ZNF831: variants seen among roughly 807,000 people sequenced by gnomAD.
The protein encoded by ZNF831 is chromosome 20 open reading frame 174.
In ZNF831, 59 loss-of-function variants were observed where a neutral mutation model predicts 95.8. The ratio of observed to expected loss-of-function variants is 0.62; its 90% CI spans 0.50 to 0.77. The LOEUF is 0.77. Ranked by LOEUF, ZNF831 falls within the 30% of genes least tolerant of loss-of-function variation. The pLI, the probability that ZNF831 is intolerant of heterozygous loss-of-function variation, is 0.00. For synonymous variants in ZNF831, 961 were observed against 925.5 expected (o/e 1.04, Z -0.70); for missense variants, 2,205 against 2,164.0 (o/e 1.02, Z -0.38).
Position 59,193,822 on chromosome 20 carries a change from A to T in ZNF831, c.2803A>T (p.Asn935Tyr), listed in dbSNP as rs751557214. 1 of 1,612,974 alleles carries T rather than the reference A, an allele frequency of 6.2e-7. No homozygotes were observed. The highest frequency in any genetic ancestry group is 8.5e-7 in the Non-Finnish European group (1 of 1,179,478). Residue 935 changes from asparagine (N) to tyrosine (Y), a missense_variant, in exon 2 of 6, where the codon AAT becomes TAT. Asn to Tyr is a moderately radical substitution (Grantham distance 143, BLOSUM62 -2). Coordinates refer to ENST00000371030, the MANE Select transcript of ZNF831 (RefSeq NM_178457.3). Reference protein sequence around the residue: ...APRVLSALADNAFSPKYLLRL... With the variant: ...APRVLSALADYAFSPKYLLRL... ...TAGAGTGCTCTCTGCCCTGGCAGAT[A>T]ATGCCTTTTCCCCCAAGTACCTCCT...
intron 4 of ZNF831, among the ~76,000 whole-genome samples, chr20:59,243,057 T>C (rs1987416561): frequency 6.6e-6 from 1 of 152,222 alleles, no homozygotes; most frequent in Admixed American, 6.5e-5. Context: ...TCTTAATTAT[T>C]AGCAATAAAC....
intron 2 of ZNF831, among the ~76,000 whole-genome samples, chr20:59,195,446 A>G (rs190914251): frequency 3.9e-5 from 6 of 152,288 alleles, no homozygotes; most frequent in Non-Finnish European, 8.8e-5. Flanking sequence ...AGGCCCGGAG[A>G]CCAGAGTCTT....
intron 4 of ZNF831, among the ~76,000 whole-genome samples, chr20:59,242,686 T>A (rs907235008): frequency 2.0e-5 from 3 of 152,250 alleles, no homozygotes; most frequent in African/African-American, 7.2e-5. Flanking sequence ...AGACAAACTT[T>A]CAAAAAATTG....
rs199670885 is a variant in ZNF831, at chr20:59,192,384, C to T, written c.1365C>T (p.Asp455=). The change falls in exon 2 of 6, where the codon GAC becomes GAT. Residue 455 remains aspartate, a synonymous_variant. Coordinates refer to ENST00000371030, the MANE Select transcript of ZNF831 (RefSeq NM_178457.3). The surrounding 1 kb of genome is among the most constrained non-coding windows in gnomAD (Gnocchi z 5.2). ...CCTACAAGGACTCCTTCCACTTTGACATCCGCGCGCTGGAGCCAGGCCGTA... is the reference window on the plus strand; with the variant it reads ...CCTACAAGGACTCCTTCCACTTTGATATCCGCGCGCTGGAGCCAGGCCGTA... ...PYTYKDSFHF[D]IRALEPGRRR... is the part of the protein sequence containing the mutation. The T allele has an allele frequency of 8.6e-5, 138 of 1,612,152 alleles. No homozygotes were observed. In the African/African-American group the frequency reaches 1.8e-3, roughly 21 times the overall value.
At chr20:59,203,867 G>T (rs1389289707) in intron 3 of ZNF831, among the ~76,000 whole-genome samples, 1 of 152,126 alleles carries the variant, frequency 6.6e-6, no homozygotes, top group Non-Finnish European at 1.5e-5. Flanking sequence ...AAGCCTAATT[G>T]CCCTGACATT....
At position 59,193,157 on chromosome 20, in the gene ZNF831, C is replaced by T. The variant is rs751185889; in HGVS notation, c.2138C>T (p.Thr713Met). ...LVTEPTKHGE[T>M]VARRGDSDRP... ...ACTGAACCCACTAAGCATGGGGAGACGGTGGCCAGGAGAGGAGACAGTGAC... is the reference window on the plus strand; with the variant it reads ...ACTGAACCCACTAAGCATGGGGAGATGGTGGCCAGGAGAGGAGACAGTGAC... Residue 713 changes from threonine to methionine, a missense_variant, in exon 2 of 6, where the codon ACG becomes ATG. Physicochemically the swap from Thr to Met is moderately conservative, Grantham distance 81. Transcript: ENST00000371030. 18 of 1,574,676 alleles carry T rather than the reference C, an allele frequency of 1.1e-5. No individual in the cohort carries two copies. Among genetic ancestry groups the T allele is most frequent in the East Asian group, 7.1e-5 (3 of 42,332 alleles).
chr20:59,143,302 C>T (rs1979738814), intron 1 of ZNF831, among the ~76,000 whole-genome samples: 1 of 152,308 alleles, frequency 6.6e-6, no homozygotes, highest in Non-Finnish European at 1.5e-5. Flanking sequence ...GTGGAGAAGA[C>T]ACAGGAAAGT....
intron 1 of ZNF831, among the ~76,000 whole-genome samples, chr20:59,190,543 A>G (rs920885676): frequency 2.0e-5 from 3 of 152,208 alleles, no homozygotes; most frequent in African/African-American, 7.2e-5. Context: ...AGTCCCAGAG[A>G]AGAAAAGGGA....
intron 1 of ZNF831, among the ~76,000 whole-genome samples, chr20:59,141,622 T>C (rs189270348): frequency 1.3e-5 from 2 of 152,360 alleles, no homozygotes; most frequent in East Asian, 3.9e-4. Context: ...ACTGTTGCCA[T>C]AGAGTGAGTC....
At chr20:59,140,883 G>A (rs541964483) in intron 1 of ZNF831, among the ~76,000 whole-genome samples, 1 of 152,110 alleles carries the variant, frequency 6.6e-6, no homozygotes, top group Admixed American at 6.6e-5. Context: ...AGGGTCTTTT[G>A]CAGAGCAATA....
intron 3 of ZNF831, among the ~76,000 whole-genome samples, chr20:59,198,702 G>T (rs1209217756): frequency 6.6e-6 from 1 of 152,206 alleles, no homozygotes; most frequent in African/African-American, 2.4e-5. Context: ...CTCCTGGCTG[G>T]GTCAAATGAG....
intron 4 of ZNF831, among the ~76,000 whole-genome samples, chr20:59,216,854 C>G (rs1985713851): frequency 6.6e-6 from 1 of 151,788 alleles, no homozygotes; most frequent in Non-Finnish European, 1.5e-5. Context: ...AAAGATCACT[C>G]TAGACACAGA....
chr20:59,253,859 T>TCCCC (rs5842258), intron 5 of ZNF831, 39 bp from the exon 6 acceptor site: 19 of 918,988 alleles, frequency 2.1e-5, no homozygotes, highest in South Asian at 4.8e-5. Flanking sequence ...CCAATTAACC[T>TCCCC]CCCCCCCCAC....
rs1301658712 is a variant in ZNF831, at chr20:59,211,039, C to CA, written c.4027+3992dup. ...TGGGCGACAGAGCGAGACTCCGTCT[C>CA]AAAAAAAAAGAAAAAAAAAAAAAAA... On this transcript the variant is annotated intron_variant, in intron 4 of 5. Coordinates refer to ENST00000371030, the MANE Select transcript of ZNF831 (RefSeq NM_178457.3). Among the ~76,000 whole-genome samples the CA allele has an allele frequency of 1.2e-3, 27 of 23,062 alleles. 1 individual carries two copies. The highest frequency in any genetic ancestry group is 5.6e-3 in the South Asian group (4 of 716). The allele number at this position is 23,062 out of a possible 152,430, so 15.1% of individuals were successfully genotyped here.
chr20:59,162,409 TC>T (rs1980928220), upstream of ZNF831, among the ~76,000 whole-genome samples: 1 of 152,216 alleles, frequency 6.6e-6, no homozygotes, highest in South Asian at 2.1e-4. Flanking sequence ...AGTATTTAAT[TC>T]ATTTTGGGTT....
At chr20:59,166,466 C>T (rs773563757) in intron 1 of ZNF831, among the ~76,000 whole-genome samples, 2 of 152,164 alleles carry the variant, frequency 1.3e-5, no homozygotes, top group Non-Finnish European at 2.9e-5. Flanking sequence ...ATAGCAACAT[C>T]TTGCAAATCA....
intron 1 of ZNF831, among the ~76,000 whole-genome samples, chr20:59,171,754 C>T (rs1422202362): frequency 6.6e-6 from 1 of 152,186 alleles, no homozygotes; most frequent in African/African-American, 2.4e-5. Flanking sequence ...AGAGACCATA[C>T]ACAAACCCCC....
At chr20:59,213,796 C>T (rs1601407158) in intron 4 of ZNF831, among the ~76,000 whole-genome samples, 1 of 152,126 alleles carries the variant, frequency 6.6e-6, no homozygotes, top group East Asian at 1.9e-4. Context: ...ATGGAATCAC[C>T]ATTTTCAACC....
Position 59,193,257 on chromosome 20 carries a change from C to A in ZNF831, c.2238C>A (p.Ser746Arg), listed in dbSNP as rs1983767424. 5 of 1,606,744 alleles carry A rather than the reference C, an allele frequency of 3.1e-6. No homozygotes were observed. Among genetic ancestry groups the A allele is most frequent in the Non-Finnish European group, 4.2e-6 (5 of 1,176,696 alleles). ...ACAGTCCCTGTTCAGGCAGTAGGAGCCCCCTGGTCTCTCCAAATGGGAGGC... is the reference window on the plus strand; with the variant it reads ...ACAGTCCCTGTTCAGGCAGTAGGAGACCCCTGGTCTCTCCAAATGGGAGGC... Reference protein sequence around the residue: ...GRDSPCSGSRSPLVSPNGRLE... With the variant: ...GRDSPCSGSRRPLVSPNGRLE... Residue 746 changes from serine (S) to arginine (R), a missense_variant, in exon 2 of 6, where the codon AGC (serine) becomes AGA (arginine). Transcript: ENST00000371030.
Sources: allele counts gnomAD v4.1 joint callset (sites outside exome capture counted in the v4.1 genomes callset), GRCh38; gene constraint gnomAD v4.1.1; non-coding constraint Gnocchi (gnomAD v3.1); transcripts MANE v1.5; gene names NCBI Gene and HGNC (gene_info 2026-07-23, HGNC 2026-07-21).